The following MYO3A variants were observed in gnomAD, a reference collection of about 807,000 sequenced individuals.
MYO3A encodes the protein myosin IIIA, also known as myosin-IIIa.
In MYO3A, 180 loss-of-function variants were observed where a neutral mutation model predicts 192.7. The ratio of observed to expected loss-of-function variants is 0.93; its 90% CI spans 0.83 to 1.06. MYO3A has a LOEUF of 1.06. Ranked by LOEUF, MYO3A falls within the 50% of genes least tolerant of loss-of-function variation. The pLI is 0.00. For missense variants in MYO3A, 1,896 were observed against 1,905.0 expected, an observed-to-expected ratio of 1.00 and a Z score of 0.09; for synonymous variants, 628 against 645.3, an observed-to-expected ratio of 0.97 and a Z score of 0.41.
intron 4 of MYO3A, among the ~76,000 whole-genome samples, chr10:25,975,428 A>G (rs1264160369): frequency 2.0e-5 from 3 of 152,230 alleles, no homozygotes; most frequent in Non-Finnish European, 4.4e-5. Flanking sequence ...TCTTTAGGAA[A>G]GAAAGCGTAA....
intron 20 of MYO3A, among the ~76,000 whole-genome samples, chr10:26,130,334 G>A (rs1449655252): frequency 1.3e-5 from 2 of 152,076 alleles, no homozygotes; most frequent in Admixed American, 6.5e-5. Flanking sequence ...TTGAAATCCT[G>A]GGCTCAGGCT....
chr10:26,147,667 C>T lies in MYO3A; in HGVS notation c.2635+108C>T, dbSNP rs139543086. The T allele has an allele frequency of 4.0e-5, 60 of 1,501,820 alleles. No individual in the cohort carries two copies. In the Admixed American group the frequency reaches 4.0e-4, roughly 10 times the overall value. The allele number at this position is 1,501,820 out of a possible 1,614,324, so 93.0% of individuals were successfully genotyped here. ...TTAATTTTTCATGTGAGTTTGTTTTCGGCTCACTAAATATTCATTTGTTAA... is the reference window on the plus strand; with the variant it reads ...TTAATTTTTCATGTGAGTTTGTTTTTGGCTCACTAAATATTCATTTGTTAA... On this transcript the variant is annotated intron_variant, in intron 23 of 34. Transcript: ENST00000642920.
intron 14 of MYO3A, among the ~76,000 whole-genome samples, chr10:26,079,202 G>A (rs1564527295): frequency 1.3e-5 from 2 of 152,224 alleles, no homozygotes; most frequent in Middle Eastern, 3.4e-3. Flanking sequence ...CCAGTGTTAG[G>A]TGCACATATG....
chr10:25,977,199 T>C (rs1203776553), intron 4 of MYO3A, among the ~76,000 whole-genome samples: 1 of 152,236 alleles, frequency 6.6e-6, no homozygotes, highest in East Asian at 1.9e-4. Context: ...TATTGATATT[T>C]AGTTATCAAC....
intron 14 of MYO3A, among the ~76,000 whole-genome samples, chr10:26,083,584 A>G (rs1836113119): frequency 6.6e-6 from 1 of 152,182 alleles, no homozygotes; most frequent in Non-Finnish European, 1.5e-5. Flanking sequence ...TACTATTGGA[A>G]AAGCTTTTAG....
At chr10:26,141,196 G>A (rs1328293536) in intron 20 of MYO3A, among the ~76,000 whole-genome samples, 1 of 152,074 alleles carries the variant, frequency 6.6e-6, no homozygotes, top group Non-Finnish European at 1.5e-5. Flanking sequence ...CAAAGTGCTG[G>A]GATTACAGGC....
chr10:26,081,185 G>C (rs1049683132), intron 14 of MYO3A, among the ~76,000 whole-genome samples: 3 of 144,036 alleles, frequency 2.1e-5, no homozygotes, highest in Non-Finnish European at 4.5e-5. Flanking sequence ...ACCGTCAGGC[G>C]GGGGCAGGGC....
At position 26,174,313 on chromosome 10, in the gene MYO3A, C is replaced by T. The variant is rs144725179; in HGVS notation, c.4049C>T (p.Ala1350Val). The T allele has an allele frequency of 2.7e-5, 43 of 1,613,902 alleles. No individual in the cohort carries two copies. In the African/African-American group the frequency reaches 2.8e-4, roughly 11 times the overall value. The change falls in exon 30 of 35, where the codon GCG becomes GTG. Residue 1350 changes from alanine (A) to valine (V), a missense_variant. Transcript: ENST00000642920. ...GCCCAGGAGGAAGAAGATAAAGCAG[C>T]GGTATTCATTCAGAGCAAATACCGG... ...TQAQEEEDKA[A>V]VFIQSKYRGY...
intron 31 of MYO3A, among the ~76,000 whole-genome samples, chr10:26,179,245 A>G (rs1842491635): frequency 6.6e-6 from 1 of 151,072 alleles, no homozygotes; most frequent in Non-Finnish European, 1.5e-5. Context: ...ATTACAGGCG[A>G]CCACCACCAT....
intron 6 of MYO3A, among the ~76,000 whole-genome samples, chr10:26,003,673 A>G (rs1460388060): frequency 7.2e-5 from 9 of 125,532 alleles, no homozygotes; most frequent in Admixed American, 6.8e-4. Context: ...CTAATGTCTG[A>G]AAAAAAACAA....
intron 27 of MYO3A, among the ~76,000 whole-genome samples, chr10:26,167,679 T>C (rs1306808095): frequency 6.6e-6 from 1 of 152,216 alleles, no homozygotes; most frequent in Non-Finnish European, 1.5e-5. Flanking sequence ...TTTAAACAGA[T>C]TGAATTTTAA....
Position 25,997,152 on chromosome 10 carries a change from C to A in MYO3A, c.409-7C>A. The A allele has an allele frequency of 6.2e-7, 1 of 1,606,504 alleles. No homozygotes were observed. Among genetic ancestry groups the A allele is most frequent in the Non-Finnish European group, 8.5e-7 (1 of 1,173,450 alleles). ...TTAAGAGTCATTATATATTTCTTATCTTCTAGGGACTTCAACATTTGCATA... is the reference window on the plus strand; with the variant it reads ...TTAAGAGTCATTATATATTTCTTATATTCTAGGGACTTCAACATTTGCATA... On this transcript the variant is annotated splice_polypyrimidine_tract_variant and splice_region_variant and intron_variant, in intron 5 of 34. Coordinates refer to ENST00000642920, the MANE Select transcript of MYO3A (RefSeq NM_017433.5).
chr10:26,139,051 A>C (rs890420378), intron 20 of MYO3A, among the ~76,000 whole-genome samples: 2 of 152,216 alleles, frequency 1.3e-5, no homozygotes, highest in Non-Finnish European at 2.9e-5. Context: ...AAAACACGTC[A>C]TGTTTCTTAT....
At chr10:26,128,652 CA>C in intron 20 of MYO3A, 114 bp downstream of exon 20, 1 of 1,160,840 alleles carries the variant, frequency 8.6e-7, no homozygotes. Flanking sequence ...TTTAGAAAGA[CA>C]AAAGATTTTT....
chr10:26,200,344 T>C (rs1166027864), intron 32 of MYO3A, among the ~76,000 whole-genome samples: 3 of 152,190 alleles, frequency 2.0e-5, no homozygotes, highest in Non-Finnish European at 4.4e-5. Flanking sequence ...TTAACTGCCA[T>C]TTTTGTTATA....
At chr10:25,983,927 A>C (rs1246889311) in intron 4 of MYO3A, among the ~76,000 whole-genome samples, 1 of 152,238 alleles carries the variant, frequency 6.6e-6, no homozygotes, top group Admixed American at 6.5e-5. Flanking sequence ...CAGAAACCCT[A>C]CAAACTCGAA....
chr10:25,995,100 A>G (rs1336423949), intron 4 of MYO3A, among the ~76,000 whole-genome samples: 1 of 152,104 alleles, frequency 6.6e-6, no homozygotes, highest in Non-Finnish European at 1.5e-5. Flanking sequence ...TATCCTAAAG[A>G]GTGTTTTCCA....
chr10:26,101,264 A>T (rs1261781616), intron 17 of MYO3A, among the ~76,000 whole-genome samples: 3 of 152,204 alleles, frequency 2.0e-5, no homozygotes, highest in East Asian at 1.9e-4. Flanking sequence ...TCTTCCTCCA[A>T]ACCTTTATTT....
intron 6 of MYO3A, among the ~76,000 whole-genome samples, chr10:26,006,443 C>T (rs148427129): frequency 0.094 from 14,248 of 152,020 alleles, 1,168 homozygotes; most frequent in African/African-American, 0.21. Flanking sequence ...AATCCAGGAG[C>T]TGGTTTTTTG....
Sources: gnomAD v4.1 joint callset for allele counts (sites outside exome capture counted in the v4.1 genomes callset) on GRCh38, gnomAD v4.1.1 for gene constraint, MANE v1.5 for transcripts, NCBI Gene and HGNC (gene_info 2026-07-23, HGNC 2026-07-21) for gene names.